The following KCND3 variants were observed in gnomAD, a reference collection of about 807,000 sequenced individuals.
KCND3 encodes the protein A-type voltage-gated potassium channel KCND3.
KCND3 carries 9 observed loss-of-function variants against 51.1 expected under a neutral mutation model. The ratio of observed to expected loss-of-function variants is 0.18; its 90% confidence interval spans 0.11 to 0.31. KCND3 has a LOEUF of 0.31. KCND3 is among the 10% of genes least tolerant of loss of function. The probability of loss-of-function intolerance (pLI) is 1.00; values close to 1 mark genes in which losing one functional copy is unlikely to be tolerated. For missense variants in KCND3, 526 were observed against 903.8 expected, an observed-to-expected ratio of 0.58 and a Z score of 5.36; for synonymous variants, 349 against 368.0, an observed-to-expected ratio of 0.95 and a Z score of 0.59.
rs1446067422 is a variant in KCND3, at chr1:111,962,404, C to T, written c.1106+19217G>A. 2.6e-5 allele frequency among the ~76,000 whole-genome samples: 4 copies of T among 152,322 alleles called. No homozygotes were observed. In the East Asian group the frequency reaches 7.7e-4, roughly 29 times the overall value. On this transcript the variant is annotated intron_variant, in intron 2 of 7. Coordinates refer to ENST00000302127, the MANE Select transcript of KCND3 (RefSeq NM_001378969.1). Reference sequence around the variant, plus strand: ...TTAGGAATGAACACGTCTGTGGCTTCTTCCCCTTTGGCCCGGGGGAGCTGC... The same window carrying T: ...TTAGGAATGAACACGTCTGTGGCTTTTTCCCCTTTGGCCCGGGGGAGCTGC...
intron 3 of KCND3, among the ~76,000 whole-genome samples, chr1:111,783,763 C>T (rs1205200484): frequency 6.6e-6 from 1 of 152,116 alleles, no homozygotes; most frequent in Non-Finnish European, 1.5e-5. Context: ...CTGAAATCAT[C>T]CCTGGTGTTT....
At chr1:111,837,050 G>GCATTTCCATA (rs1667099630) in intron 2 of KCND3, among the ~76,000 whole-genome samples, 2 of 152,156 alleles carry the variant, frequency 1.3e-5, no homozygotes, top group Admixed American at 1.3e-4. Context: ...TTCATTCAGT[G>GCATTTCCATA]CATTTCCATA....
At chr1:111,940,425 G>C (rs1003996239) in intron 2 of KCND3, among the ~76,000 whole-genome samples, 7 of 151,930 alleles carry the variant, frequency 4.6e-5, no homozygotes, top group Non-Finnish European at 8.8e-5. Context: ...GAAGGGGTCC[G>C]GTTTCAGTTT....
intron 2 of KCND3, among the ~76,000 whole-genome samples, chr1:111,829,854 C>G (rs922930422): frequency 6.6e-6 from 1 of 152,198 alleles, no homozygotes; most frequent in Non-Finnish European, 1.5e-5. Flanking sequence ...ACAGTAGACC[C>G]GACTGCCTGA....
chr1:111,901,319 T>C (rs1670373297), intron 2 of KCND3, among the ~76,000 whole-genome samples: 1 of 152,210 alleles, frequency 6.6e-6, no homozygotes. Flanking sequence ...TGAGATCCCA[T>C]GCAAGCTACA....
At chr1:111,888,301 A>G (rs1669659811) in intron 2 of KCND3, among the ~76,000 whole-genome samples, 1 of 152,226 alleles carries the variant, frequency 6.6e-6, no homozygotes. Context: ...GAAGATGGCA[A>G]GAGGCTGTCA....
intron 2 of KCND3, among the ~76,000 whole-genome samples, chr1:111,972,765 G>A (rs1674411587): frequency 6.6e-6 from 1 of 152,196 alleles, no homozygotes; most frequent in Admixed American, 6.5e-5. Flanking sequence ...TTAGGGACAA[G>A]CCTCATGTTT....
At chr1:111,893,669 C>A (rs562893621) in intron 2 of KCND3, among the ~76,000 whole-genome samples, 3 of 152,288 alleles carry the variant, frequency 2.0e-5, no homozygotes, top group Admixed American at 2.0e-4. Context: ...TCTTAGGAAG[C>A]CAAGTGACTC....
intron 2 of KCND3, among the ~76,000 whole-genome samples, chr1:111,828,228 G>GA (rs397698749): frequency 1.5e-4 from 5 of 34,066 alleles, no homozygotes; most frequent in Non-Finnish European, 5.3e-4. Context: ...GTCTTACAAA[G>GA]CTTTTGCCTT....
chr1:111,875,066 A>AG (rs1429987009), intron 2 of KCND3, among the ~76,000 whole-genome samples: 1 of 152,190 alleles, frequency 6.6e-6, no homozygotes, highest in Non-Finnish European at 1.5e-5. Flanking sequence ...TTGGTTCCAG[A>AG]GGGGCCATGG....
chr1:111,816,017 C>T (rs764512066), intron 2 of KCND3, among the ~76,000 whole-genome samples: 2 of 152,256 alleles, frequency 1.3e-5, no homozygotes, highest in Non-Finnish European at 2.9e-5. Flanking sequence ...AGCGCTAATG[C>T]TGTGCCCGGC....
At chr1:111,984,351 G>A (rs1675143872) in intron 1 of KCND3, among the ~76,000 whole-genome samples, 1 of 152,100 alleles carries the variant, frequency 6.6e-6, no homozygotes, top group African/African-American at 2.4e-5. Flanking sequence ...AACAGAACCT[G>A]CCTCCTTGTA....
chr1:111,955,353 G>A (rs1673275815), intron 2 of KCND3, among the ~76,000 whole-genome samples: 1 of 152,226 alleles, frequency 6.6e-6, no homozygotes, highest in Non-Finnish European at 1.5e-5. Flanking sequence ...GGTTGGGGCT[G>A]CAGTGAGCCA....
At chr1:111,777,653 G>C (rs776631194) in intron 6 of KCND3, among the ~76,000 whole-genome samples, 1 of 152,238 alleles carries the variant, frequency 6.6e-6, no homozygotes, top group Non-Finnish European at 1.5e-5. Context: ...AGAGGTGGCA[G>C]ATAAGGAGTC....
rs1299399888 is a variant in KCND3, at chr1:111,780,711, G to T, written c.1350C>A (p.Leu450=). 1.2e-6 allele frequency: 2 copies of T among 1,611,728 alleles called. No individual in the cohort carries two copies. ...CTACCGTCAGCTCCAGCGCCTCGTT[G>T]AGGAGCCCGTTGCGCTTGCTGTGCA... ...AYLHSKRNGL[L]NEALELTGTP... is the part of the protein sequence containing the mutation. The change falls in exon 4 of 8, where the codon CTC becomes CTA. Residue 450 remains leucine, a synonymous_variant. Transcript: ENST00000302127. The surrounding 1 kb of genome is among the most constrained non-coding windows in gnomAD (Gnocchi z 4.2).
intron 2 of KCND3, among the ~76,000 whole-genome samples, chr1:111,978,384 A>G (rs899932947): frequency 6.6e-6 from 1 of 152,222 alleles, no homozygotes; most frequent in African/African-American, 2.4e-5. Flanking sequence ...AGAGGTAGAT[A>G]TCTGCTGTGA....
At chr1:111,963,529 C>T (rs891979944) in intron 2 of KCND3, among the ~76,000 whole-genome samples, 1 of 152,218 alleles carries the variant, frequency 6.6e-6, no homozygotes, top group African/African-American at 2.4e-5. Flanking sequence ...GAATTAAACA[C>T]AGAGCACTGA....
At chr1:111,866,305 G>C (rs1403452186) in intron 2 of KCND3, among the ~76,000 whole-genome samples, 1 of 128,384 alleles carries the variant, frequency 7.8e-6, no homozygotes, top group African/African-American at 3.1e-5. Flanking sequence ...CTGTTGTGCA[G>C]GCTGGATGGA....
At chr1:111,943,056 C>T (rs578119322) in intron 2 of KCND3, among the ~76,000 whole-genome samples, 4 of 151,958 alleles carry the variant, frequency 2.6e-5, no homozygotes, top group African/African-American at 9.7e-5. Flanking sequence ...AGGTGAGCTG[C>T]GAGCAGGAAA....
Sources: allele counts gnomAD v4.1 joint callset (sites outside exome capture counted in the v4.1 genomes callset), GRCh38; gene constraint gnomAD v4.1.1; non-coding constraint Gnocchi (gnomAD v3.1); transcripts MANE v1.5; gene names NCBI Gene and HGNC (gene_info 2026-07-23, HGNC 2026-07-21).